PBRM1: variants seen among roughly 807,000 people sequenced by gnomAD.
The protein encoded by PBRM1 is protein polybromo-1.
Under a neutral mutation model 194.5 loss-of-function variants are expected in PBRM1, and 27 were observed. That is an observed-to-expected ratio of 0.14 (90% confidence interval 0.10 to 0.19). PBRM1 has a LOEUF of 0.19. Among genes scored for constraint, PBRM1 ranks in the 10% least tolerant of loss-of-function variants. The pLI, the probability that PBRM1 is intolerant of heterozygous loss-of-function variation, is 1.00. For missense variants in PBRM1, 1,466 were observed against 2,077.2 expected (o/e 0.71, Z 5.72); for synonymous variants, 655 against 693.2 (o/e 0.94, Z 0.87).
chr3:52,559,606 C>T (rs1020998921), intron 25 of PBRM1, among the ~76,000 whole-genome samples: 1 of 152,130 alleles, frequency 6.6e-6, no homozygotes, highest in Non-Finnish European at 1.5e-5. Context: ...GAACTCAACA[C>T]CACTGATTTC....
chr3:52,586,654 T>G (rs750687374), exon 20 of PBRM1: 4 of 1,610,416 alleles, frequency 2.5e-6, no homozygotes, highest in South Asian at 2.2e-5. Flanking sequence ...AACATCCTCA[T>G]CTCGGAAGTT....
chr3:52,655,050 C>G (rs1196289633), intron 5 of PBRM1, among the ~76,000 whole-genome samples: 1 of 151,970 alleles, frequency 6.6e-6, no homozygotes, highest in East Asian at 1.9e-4. Context: ...CTATCCTGTA[C>G]TTCTTTTATA....
chr3:52,593,328 C>T (rs868514804), intron 17 of PBRM1, among the ~76,000 whole-genome samples: 39 of 152,150 alleles, frequency 2.6e-4, no homozygotes, highest in African/African-American at 9.4e-4. Context: ...TCTTGGCTCA[C>T]TGCCACCTCC....
At chr3:52,604,467 G>A (rs1216848123) in intron 16 of PBRM1, among the ~76,000 whole-genome samples, 4 of 152,120 alleles carry the variant, frequency 2.6e-5, no homozygotes, top group Non-Finnish European at 4.4e-5. Context: ...TTGGGAGGCC[G>A]AGGCGGGAGG....
intron 14 of PBRM1, among the ~76,000 whole-genome samples, chr3:52,616,725 A>G (rs1160996994): frequency 2.0e-5 from 3 of 152,226 alleles, no homozygotes; most frequent in Non-Finnish European, 4.4e-5. Context: ...TAGCAAAATC[A>G]ATTAAATAAA....
At position 52,629,050 on chromosome 3, in the gene PBRM1, G is replaced by C; in HGVS notation, c.1302-15C>G. 1 of 1,567,044 alleles carries C rather than the reference G, an allele frequency of 6.4e-7. No homozygotes were observed. The highest frequency in any genetic ancestry group is 8.7e-7 in the Non-Finnish European group (1 of 1,154,176). The stretch of plus-strand genomic sequence containing the variant: ...TCAGTTTTGTTCTGTGAAAGACAAA[G>C]AAATTGCTAGAATTTTCTGTCATGA... On this transcript the variant is annotated splice_polypyrimidine_tract_variant and intron_variant, in intron 11 of 29. Transcript: ENST00000296302.
intron 22 of PBRM1, among the ~76,000 whole-genome samples, chr3:52,575,174 AT>A (rs2089050522): frequency 6.6e-6 from 1 of 152,166 alleles, no homozygotes; most frequent in Admixed American, 6.5e-5. Context: ...AAGTGCTGGG[AT>A]TAAAGGTGTG....
chr3:52,554,634 G>C, intron 27 of PBRM1, 90 bp downstream of exon 29: 2 of 1,166,660 alleles, frequency 1.7e-6, no homozygotes, highest in South Asian at 3.5e-5. Flanking sequence ...GCCACAATGG[G>C]CCACGGGTGC....
downstream of PBRM1, chr3:52,546,792 T>C: frequency 4.3e-6 from 1 of 233,236 alleles, no homozygotes; most frequent in Non-Finnish European, 8.5e-6. Flanking sequence ...ACCCAAGTGT[T>C]TGGGATCTGT....
At chr3:52,558,181 T>C in intron 26 of PBRM1, 68 bp downstream of exon 28, 8 of 1,211,850 alleles carry the variant, frequency 6.6e-6, no homozygotes, top group Non-Finnish European at 9.1e-6. Context: ...GCCTACTCCT[T>C]ATTGGAGAAA....
At chr3:52,645,112 AT>A (rs2096250293) in intron 7 of PBRM1, among the ~76,000 whole-genome samples, 1 of 152,204 alleles carries the variant, frequency 6.6e-6, no homozygotes, top group African/African-American at 2.4e-5. Flanking sequence ...CCCCCAGTGG[AT>A]GCCTGAAACC....
At chr3:52,652,886 T>C (rs2096533678) in intron 5 of PBRM1, among the ~76,000 whole-genome samples, 1 of 151,126 alleles carries the variant, frequency 6.6e-6, no homozygotes, top group South Asian at 2.1e-4. Context: ...TAATCCCAGC[T>C]ACTCAGGAGG....
At chr3:52,545,780 A>G (rs2079607143), downstream of PBRM1, 1 of 233,086 alleles carries the variant, frequency 4.3e-6, no homozygotes, top group African/African-American at 2.2e-5. Flanking sequence ...ATACTTTCTA[A>G]GCCACATTAC....
intron 27 of PBRM1, among the ~76,000 whole-genome samples, chr3:52,553,847 A>C (rs1439541844): frequency 6.6e-6 from 1 of 151,962 alleles, no homozygotes; most frequent in Admixed American, 6.6e-5. Context: ...TTTTTAGTAA[A>C]GACGGTGTTT....
exon 29 of PBRM1, chr3:52,550,536 A>G: frequency 7.0e-6 from 11 of 1,571,404 alleles, no homozygotes; most frequent in Non-Finnish European, 9.5e-6. Context: ...GGGGAGCTAC[A>G]AACATGGGTG....
exon 29 of PBRM1, chr3:52,550,622 G>A: frequency 1.3e-6 from 2 of 1,523,328 alleles, no homozygotes; most frequent in Non-Finnish European, 1.8e-6. Flanking sequence ...TGCCCTGGAG[G>A]CCCCAAAACT....
chr3:52,576,494 A>G (rs1374090132), intron 22 of PBRM1, 47 bp downstream of exon 24: 1 of 1,481,588 alleles, frequency 6.7e-7, no homozygotes, highest in South Asian at 1.3e-5. Context: ...TATTCCATCA[A>G]TTTTGATGGA....
chr3:52,674,702 T>C (rs1305862664), intron 2 of PBRM1, among the ~76,000 whole-genome samples: 1 of 147,656 alleles, frequency 6.8e-6, no homozygotes, highest in East Asian at 1.9e-4. Context: ...TTACCTAACA[T>C]TACATACGTT....
At chr3:52,640,622 T>A (rs2096038358) in intron 10 of PBRM1, among the ~76,000 whole-genome samples, 1 of 151,296 alleles carries the variant, frequency 6.6e-6, no homozygotes, top group South Asian at 2.1e-4. Context: ...TTGATGTGTC[T>A]CTTGTAACCA....
Sources: gnomAD v4.1 joint callset for allele counts (sites outside exome capture counted in the v4.1 genomes callset) on GRCh38, gnomAD v4.1.1 for gene constraint, MANE v1.5 for transcripts, NCBI Gene and HGNC (gene_info 2026-07-23, HGNC 2026-07-21) for gene names.